Variants in IGBP1C observed in about 807,000 individuals in gnomAD.
The protein encoded by IGBP1C is immunoglobulin-binding protein 1 family member C.
the IGBP1C span, among the ~76,000 whole-genome samples, chr17:58,665,692 A>T: frequency 6.6e-6 from 1 of 152,116 alleles, no homozygotes; most frequent in African/African-American, 2.4e-5. Context: ...TTTAAACAGT[A>T]AGCAACGGTA....
At chr17:58,680,911 T>G in the IGBP1C span, among the ~76,000 whole-genome samples, 1 of 152,114 alleles carries the variant, frequency 6.6e-6, no homozygotes, top group Non-Finnish European at 1.5e-5. Context: ...TAGCCAGAGT[T>G]TATAACTTTT....
the IGBP1C span, chr17:58,679,575 G>A: frequency 3.3e-5 from 5 of 152,200 alleles, no homozygotes; most frequent in African/African-American, 1.2e-4. Context: ...ATGCAATTAA[G>A]TTTCCCACAT....
At chr17:58,690,645 T>TGGGCTC in the IGBP1C span, among the ~76,000 whole-genome samples, 1 of 152,204 alleles carries the variant, frequency 6.6e-6, no homozygotes, top group Non-Finnish European at 1.5e-5. Context: ...AGATAGTATT[T>TGGGCTC]ATGCATCCAC....
chr17:58,667,116 T>C, the IGBP1C span, among the ~76,000 whole-genome samples: 2 of 152,214 alleles, frequency 1.3e-5, no homozygotes, highest in African/African-American at 4.8e-5. Flanking sequence ...GAGAGTTTCC[T>C]TGAGCTAACA....
chr17:58,660,599 C>T, the IGBP1C span: 2 of 796,578 alleles, frequency 2.5e-6, no homozygotes, highest in Non-Finnish European at 4.6e-6. Flanking sequence ...CTGTCGGTTG[C>T]CGTAGCCCCT....
chr17:58,666,997 TCTC>T, the IGBP1C span, among the ~76,000 whole-genome samples: 2 of 152,130 alleles, frequency 1.3e-5, no homozygotes, highest in Admixed American at 1.3e-4. Flanking sequence ...AGCAGTTCCT[TCTC>T]CTGCTCGCGT....
chr17:58,690,867 G>A, the IGBP1C span, among the ~76,000 whole-genome samples: 1 of 152,148 alleles, frequency 6.6e-6, no homozygotes, highest in African/African-American at 2.4e-5. Flanking sequence ...AAACTGTGCT[G>A]AGGTGTTTTG....
At chr17:58,669,411 A>G in the IGBP1C span, among the ~76,000 whole-genome samples, 2 of 151,534 alleles carry the variant, frequency 1.3e-5, no homozygotes, top group South Asian at 2.1e-4. Flanking sequence ...ATATTTGCTG[A>G]AAGTCACCAG....
the IGBP1C span, chr17:58,661,391 A>G: frequency 1.6e-4 from 147 of 892,266 alleles, no homozygotes; most frequent in Admixed American, 9.1e-4. Context: ...AATCTCCTCC[A>G]AATCTTCATT....
At chr17:58,683,236 G>C in the IGBP1C span, among the ~76,000 whole-genome samples, 2 of 151,280 alleles carry the variant, frequency 1.3e-5, no homozygotes, top group African/African-American at 4.9e-5. Flanking sequence ...AGCTGGGCAT[G>C]GTGGCACGTG....
At chr17:58,667,092 G>A in the IGBP1C span, among the ~76,000 whole-genome samples, 2 of 152,190 alleles carry the variant, frequency 1.3e-5, no homozygotes, top group Admixed American at 1.3e-4. Flanking sequence ...AAGGCCTTCG[G>A]ATCTCCCTGT....
At chr17:58,691,687 C>CAAAAA in the IGBP1C span, among the ~76,000 whole-genome samples, 1 of 115,166 alleles carries the variant, frequency 8.7e-6, no homozygotes. Flanking sequence ...AAAAAAAAAT[C>CAAAAA]GCCAATAGGT....
At chr17:58,668,952 A>G in the IGBP1C span, among the ~76,000 whole-genome samples, 1 of 152,202 alleles carries the variant, frequency 6.6e-6, no homozygotes, top group Non-Finnish European at 1.5e-5. Context: ...CAAATTAGAA[A>G]AAAAGGCTGA....
the IGBP1C span, chr17:58,666,458 C>CAACCAAAA: frequency 2.7e-5 from 1 of 36,814 alleles, no homozygotes. Flanking sequence ...CCTTCCACGG[C>CAACCAAAA]AAAAAAAAAA....
At chr17:58,670,977 C>A in the IGBP1C span, among the ~76,000 whole-genome samples, 2 of 152,020 alleles carry the variant, frequency 1.3e-5, no homozygotes, top group Non-Finnish European at 2.9e-5. Flanking sequence ...ACAATTGGGA[C>A]ACTGATTACC....
At chr17:58,682,491 C>G in the IGBP1C span, among the ~76,000 whole-genome samples, 2 of 152,082 alleles carry the variant, frequency 1.3e-5, no homozygotes, top group Non-Finnish European at 2.9e-5. Context: ...CTCCTGACCC[C>G]AAATGATCCA....
At chr17:58,660,562 G>A in the IGBP1C span, 19 of 783,092 alleles carry the variant, frequency 2.4e-5, no homozygotes, top group Admixed American at 1.0e-4. Flanking sequence ...GCAGTCCTGC[G>A]GTGTTGTGGG....
the IGBP1C span, chr17:58,661,228 G>A: frequency 1.3e-6 from 1 of 794,738 alleles, no homozygotes; most frequent in East Asian, 2.4e-5. Context: ...GCTCAAACTC[G>A]GCCACACGAT....
the IGBP1C span, among the ~76,000 whole-genome samples, chr17:58,663,571 A>G: frequency 6.6e-6 from 1 of 151,512 alleles, no homozygotes; most frequent in Non-Finnish European, 1.5e-5. Context: ...GGTTCAAGCA[A>G]TTCTCCTGCC....
Sources: gnomAD v4.1 joint callset for allele counts (sites outside exome capture counted in the v4.1 genomes callset) on GRCh38, gnomAD v4.1.1 for gene constraint, MANE v1.5 for transcripts, NCBI Gene and HGNC (gene_info 2026-07-23, HGNC 2026-07-21) for gene names.